The following CDH4 variants were observed in gnomAD, a reference collection of about 807,000 sequenced individuals.
CDH4 encodes the protein cadherin-4.
A neutral mutation model predicts 86.0 loss-of-function variants in CDH4; 33 were observed. The ratio of observed to expected loss-of-function variants is 0.38; its 90% CI spans 0.29 to 0.51. The LOEUF is 0.51. Ranked by LOEUF, CDH4 falls within the 20% of genes least tolerant of loss-of-function variation. The probability of loss-of-function intolerance (pLI) is 0.86; values close to 1 mark genes in which losing one functional copy is unlikely to be tolerated. For synonymous variants in CDH4, 555 were observed against 549.4 expected (o/e 1.01, Z -0.14); for missense variants, 1,114 against 1,307.4 (o/e 0.85, Z 2.28).
At chr20:61,371,448 C>T (rs573873940) in intron 2 of CDH4, among the ~76,000 whole-genome samples, 38 of 152,226 alleles carry the variant, frequency 2.5e-4, no homozygotes, top group Non-Finnish European at 4.8e-4. Context: ...ACGCTGCGGA[C>T]GTGTTTTCAC....
intron 4 of CDH4, among the ~76,000 whole-genome samples, chr20:61,778,753 C>T (rs1244795036): frequency 6.6e-6 from 1 of 152,144 alleles, no homozygotes; most frequent in African/African-American, 2.4e-5. Context: ...ACTGATTTTC[C>T]AGGAACTTGG....
At chr20:61,834,154 A>C (rs1184100752) in intron 4 of CDH4, among the ~76,000 whole-genome samples, 1 of 152,230 alleles carries the variant, frequency 6.6e-6, no homozygotes, top group Non-Finnish European at 1.5e-5. Flanking sequence ...AGACTGGCAG[A>C]AGTGGGTCTC....
intron 6 of CDH4, among the ~76,000 whole-genome samples, chr20:61,856,284 G>C (rs1414908650): frequency 1.3e-5 from 2 of 152,190 alleles, no homozygotes; most frequent in Non-Finnish European, 2.9e-5. Flanking sequence ...CTCAGCTCCA[G>C]AGGAACTTCG....
At chr20:61,845,150 C>T (rs1362708002) in intron 5 of CDH4, among the ~76,000 whole-genome samples, 1 of 152,228 alleles carries the variant, frequency 6.6e-6, no homozygotes, top group Non-Finnish European at 1.5e-5. Context: ...CTTTGGATGG[C>T]TCTGCGGGGC....
chr20:61,289,741 G>T (rs2084311839), intron 2 of CDH4, among the ~76,000 whole-genome samples: 1 of 111,720 alleles, frequency 9.0e-6, no homozygotes, highest in African/African-American at 3.5e-5. Context: ...AACGAGACTT[G>T]CTGGGTTTAT....
chr20:61,798,541 C>T (rs545542310), intron 4 of CDH4, among the ~76,000 whole-genome samples: 1 of 152,358 alleles, frequency 6.6e-6, no homozygotes, highest in East Asian at 1.9e-4. Context: ...ACAGACGCGG[C>T]TGCTGCATGC....
intron 2 of CDH4, among the ~76,000 whole-genome samples, chr20:61,572,460 A>G (rs955734660): frequency 6.6e-6 from 1 of 152,174 alleles, no homozygotes. Flanking sequence ...GCACGTCTTG[A>G]AGGACTGAGG....
intron 7 of CDH4, among the ~76,000 whole-genome samples, chr20:61,878,432 T>G (rs1387887621): frequency 6.6e-6 from 1 of 152,210 alleles, no homozygotes; most frequent in African/African-American, 2.4e-5. Context: ...GAACCAAAGG[T>G]GTTCATGTCA....
rs573301294 is a variant in CDH4 at position 61,939,881 on chromosome 20, T to C, written c.*2938T>C. ...ATTTCTGGCCCAGCAGGTTTCTCTT[T>C]GTAGTGTCTTTCAGCACATCCAAAA... On this transcript the variant is annotated 3_prime_UTR_variant, in exon 16 of 16. Transcript: ENST00000614565. 6.6e-6 allele frequency: 1 copy of C among 152,386 alleles called. No homozygotes were observed. Among genetic ancestry groups the C allele is most frequent in the East Asian group, 1.9e-4 (1 of 5,182 alleles). 9.4% of individuals were successfully genotyped at this position (152,386 alleles called of 1,614,324 possible).
intron 2 of CDH4, among the ~76,000 whole-genome samples, chr20:61,546,964 G>C (rs2086091940): frequency 6.6e-6 from 1 of 152,142 alleles, no homozygotes. Flanking sequence ...TGGTGGCTCA[G>C]AAAGCAGACA....
chr20:61,726,967 G>GCCATCATCGCCACCATAGGTA (rs1568780667), intron 2 of CDH4, among the ~76,000 whole-genome samples: 1 of 150,600 alleles, frequency 6.6e-6, no homozygotes, highest in Non-Finnish European at 1.5e-5. Context: ...TACCATCAGT[G>GCCATCATCGCCACCATAGGTA]CCATCATCGC....
At chr20:61,418,366 A>C (rs2085158615) in intron 2 of CDH4, among the ~76,000 whole-genome samples, 1 of 151,538 alleles carries the variant, frequency 6.6e-6, no homozygotes, top group African/African-American at 2.4e-5. Flanking sequence ...TCCCGCCACC[A>C]CACCTGGCTA....
At chr20:61,800,087 G>T (rs967327831) in intron 4 of CDH4, among the ~76,000 whole-genome samples, 1 of 152,218 alleles carries the variant, frequency 6.6e-6, no homozygotes, top group African/African-American at 2.4e-5. Context: ...CCACAGCATG[G>T]TCCAGGGCCG....
chr20:61,496,847 A>G (rs1303360244), intron 2 of CDH4, among the ~76,000 whole-genome samples: 1 of 151,904 alleles, frequency 6.6e-6, no homozygotes, highest in Non-Finnish European at 1.5e-5. Context: ...TGCTTCTTCC[A>G]ATGAAAATAC....
chr20:61,409,348 C>T (rs973974186), intron 2 of CDH4, among the ~76,000 whole-genome samples: 4 of 152,242 alleles, frequency 2.6e-5, no homozygotes, highest in African/African-American at 9.6e-5. Context: ...AAGGGGTTCC[C>T]TCCCTCCCCA....
intron 2 of CDH4, among the ~76,000 whole-genome samples, chr20:61,730,876 G>A (rs962961188): frequency 5.3e-5 from 8 of 152,190 alleles, no homozygotes; most frequent in South Asian, 2.1e-4. Flanking sequence ...GGCCATGCAG[G>A]CAGCGGGCTG....
intron 10 of CDH4, 36 bp downstream of exon 10, chr20:61,923,740 G>C: frequency 1.9e-6 from 3 of 1,604,150 alleles, no homozygotes; most frequent in Non-Finnish European, 8.5e-7. Context: ...CCTGCCTGCA[G>C]CTTCCCAGGT....
chr20:61,692,275 T>TTG (rs11468758), intron 2 of CDH4, among the ~76,000 whole-genome samples: 1,972 of 149,868 alleles, frequency 0.013, 42 homozygotes, highest in African/African-American at 0.041. Context: ...ATGTGTGTCT[T>TTG]TGTGTGTGTG....
intron 2 of CDH4, among the ~76,000 whole-genome samples, chr20:61,591,587 C>G (rs189694230): frequency 4.8e-4 from 73 of 152,212 alleles, no homozygotes; most frequent in South Asian, 1.7e-3. Context: ...GGATGTTATT[C>G]TTCGATGTTA....
Sources: gnomAD v4.1 joint callset for allele counts (sites outside exome capture counted in the v4.1 genomes callset) on GRCh38, gnomAD v4.1.1 for gene constraint, MANE v1.5 for transcripts, NCBI Gene and HGNC (gene_info 2026-07-23, HGNC 2026-07-21) for gene names.